Variants in USP18 observed in about 807,000 individuals in gnomAD.
The protein encoded by USP18 is ubl carboxyl-terminal hydrolase 18.
Under a neutral mutation model 48.7 loss-of-function variants are expected in USP18, and 11 were observed. The observed-to-expected ratio is 0.23, with a 90% confidence interval of 0.14 to 0.37. The LOEUF (loss-of-function observed/expected upper bound fraction) is 0.37. USP18 is among the 10% of genes least tolerant of loss of function. The probability of loss-of-function intolerance (pLI) is 1.00; values close to 1 mark genes in which losing one functional copy is unlikely to be tolerated. For missense variants in USP18, 285 were observed against 436.4 expected, an observed-to-expected ratio of 0.65 and a Z score of 3.09; for synonymous variants, 114 against 163.2, an observed-to-expected ratio of 0.70 and a Z score of 2.30.
intron 8 of USP18, among the ~76,000 whole-genome samples, chr22:18,171,589 T>A (rs1183484268): frequency 2.0e-5 from 3 of 151,842 alleles, no homozygotes; most frequent in African/African-American, 7.3e-5. Context: ...CTATGATCTA[T>A]CATTGTACTC....
At chr22:18,174,657 T>C (rs906021161) in intron 10 of USP18, among the ~76,000 whole-genome samples, 14 of 151,958 alleles carry the variant, frequency 9.2e-5, no homozygotes, top group Non-Finnish European at 1.9e-4. Context: ...GGTGTGATCA[T>C]AGCTCACTGC....
chr22:18,156,864 C>T (rs2543949), intron 1 of USP18, among the ~76,000 whole-genome samples: 38,487 of 152,182 alleles, frequency 0.25, 6,068 homozygotes, highest in East Asian at 0.63. Context: ...CCCACCAATT[C>T]CGGACACACT....
intron 9 of USP18, 60 bp from the exon 10 acceptor site, chr22:18,173,733 T>C: frequency 5.6e-6 from 9 of 1,604,824 alleles, no homozygotes; most frequent in Non-Finnish European, 7.7e-6. Context: ...TATAGCATCC[T>C]GTCCTCTGTG....
At chr22:18,167,769 T>C in intron 5 of USP18, 121 bp from the exon 6 acceptor site, 1 of 1,038,412 alleles carries the variant, frequency 9.6e-7, no homozygotes, top group Non-Finnish European at 1.4e-6. Flanking sequence ...ATAATATTGT[T>C]ACTGGTATTA....
At chr22:18,168,123 T>G in intron 6 of USP18, 87 bp downstream of exon 6, 1 of 1,563,370 alleles carries the variant, frequency 6.4e-7, no homozygotes, top group Non-Finnish European at 8.7e-7. Context: ...ACTAGGTAAT[T>G]TATTTCTTAC....
intron 7 of USP18, among the ~76,000 whole-genome samples, chr22:18,170,463 C>T (rs1398150082): frequency 6.6e-6 from 1 of 152,240 alleles, no homozygotes; most frequent in Non-Finnish European, 1.5e-5. Flanking sequence ...AGGGCGTTTC[C>T]CTCCAGGCGA....
Position 18,160,163 on chromosome 22 carries a change from C to T in USP18, c.158-9C>T, listed in dbSNP as rs2123731530. ...TTGCCCTCAGCATTTTTTTCTCTTCCCCTTATAGGCCTGGTTGGTTTACAC... is the reference window on the plus strand; with the variant it reads ...TTGCCCTCAGCATTTTTTTCTCTTCTCCTTATAGGCCTGGTTGGTTTACAC... On this transcript the variant is annotated splice_polypyrimidine_tract_variant and intron_variant, in intron 2 of 10. Coordinates refer to ENST00000215794, the MANE Select transcript of USP18 (RefSeq NM_017414.4). 12 of 1,613,752 alleles carry T rather than the reference C, an allele frequency of 7.4e-6. No homozygotes were observed. The highest frequency in any genetic ancestry group is 9.3e-6 in the Non-Finnish European group (11 of 1,179,744).
At chr22:18,150,961 A>G (rs1413147733) in intron 1 of USP18, among the ~76,000 whole-genome samples, 2 of 152,250 alleles carry the variant, frequency 1.3e-5, no homozygotes, top group African/African-American at 4.8e-5. Context: ...ACAAACAAAC[A>G]AAAAAACCTG....
chr22:18,159,431 G>A lies in USP18; in HGVS notation c.158-741G>A, dbSNP rs534730957. Among the ~76,000 whole-genome samples, 5 of 151,814 alleles carry A rather than the reference G, an allele frequency of 3.3e-5. No individual in the cohort carries two copies. In the South Asian group the frequency reaches 6.2e-4, roughly 19 times the overall value. On this transcript the variant is annotated intron_variant, in intron 2 of 10. Coordinates refer to ENST00000215794, the MANE Select transcript of USP18 (RefSeq NM_017414.4). ...TGTTTGCAAGCTGAATGAACACTTCGTACTTGAGAGACTTTACAGGACTTC... is the reference window on the plus strand; with the variant it reads ...TGTTTGCAAGCTGAATGAACACTTCATACTTGAGAGACTTTACAGGACTTC...
intron 2 of USP18, among the ~76,000 whole-genome samples, chr22:18,159,751 C>G (rs1472561316): frequency 9.5e-5 from 14 of 147,030 alleles, no homozygotes; most frequent in Non-Finnish European, 2.1e-4. Flanking sequence ...TCTTGGCTCA[C>G]TGCAAGCTCC....
intron 2 of USP18, 116 bp from the exon 3 acceptor site, chr22:18,160,056 C>T (rs1335952824): frequency 4.7e-5 from 45 of 948,252 alleles, no homozygotes; most frequent in East Asian, 2.2e-4. Flanking sequence ...TCAGGTGATC[C>T]GCCCACCTCG....
intron 1 of USP18, among the ~76,000 whole-genome samples, chr22:18,151,650 C>T (rs1037249477): frequency 2.6e-5 from 4 of 151,716 alleles, no homozygotes; most frequent in African/African-American, 9.7e-5. Flanking sequence ...AGTTTTTCCA[C>T]GAGCTGTTTT....
chr22:18,152,844 A>G (rs1207321870), intron 1 of USP18, among the ~76,000 whole-genome samples: 2 of 152,170 alleles, frequency 1.3e-5, no homozygotes, highest in Non-Finnish European at 2.9e-5. Context: ...GATCTGCTCC[A>G]TGAGGTTTTA....
chr22:18,173,718 C>T, intron 9 of USP18, 75 bp from the exon 10 acceptor site: 2 of 1,594,872 alleles, frequency 1.3e-6, no homozygotes, highest in South Asian at 1.1e-5. Context: ...GGATGAGGGG[C>T]ACATTATAGC....
At chr22:18,167,479 C>T (rs529620446) in intron 5 of USP18, 145 bp downstream of exon 5, 36 of 1,007,816 alleles carry the variant, frequency 3.6e-5, no homozygotes, top group African/African-American at 2.3e-4. Context: ...AGGCGGATCA[C>T]GAGGTCAGGA....
At chr22:18,167,019 A>T (rs2123737060) in intron 4 of USP18, among the ~76,000 whole-genome samples, 1 of 152,262 alleles carries the variant, frequency 6.6e-6, no homozygotes, top group African/African-American at 2.4e-5. Context: ...GATTATAGGC[A>T]TGAGCCACTA....
Position 18,157,796 on chromosome 22 carries a change from C to T in USP18, c.133C>T (p.Pro45Ser), listed in dbSNP as rs752599625. ...GAAGAGAGAGCAGCCCAGAGAGCGT[C>T]CCAGGGCCTGGGACTACCCTCATGG... The part of the protein sequence containing the change: ...NMKREQPRER[P>S]RAWDYPHGLV... The change falls in exon 2 of 11, where the codon CCC becomes TCC. Residue 45 changes from proline (P) to serine (S), a missense_variant. Around this residue, in one of 5 missense-constraint regions of USP18, gnomAD observed 199 missense variants for 239.6 expected, o/e 0.83. Transcript: ENST00000215794. The T allele has an allele frequency of 2.5e-6, 4 of 1,614,090 alleles. No individual in the cohort carries two copies. The highest frequency in any genetic ancestry group is 4.5e-5 in the East Asian group (2 of 44,860).
chr22:18,172,191 G>T (rs1408263300), intron 8 of USP18, among the ~76,000 whole-genome samples: 1 of 152,210 alleles, frequency 6.6e-6, no homozygotes, highest in Non-Finnish European at 1.5e-5. Context: ...ATCCTTGGCT[G>T]TAACAGTTAC....
intron 1 of USP18, among the ~76,000 whole-genome samples, chr22:18,154,732 T>C (rs1929085204): frequency 6.6e-6 from 1 of 152,206 alleles, no homozygotes; most frequent in Non-Finnish European, 1.5e-5. Flanking sequence ...TGAGCCACCA[T>C]GCCAGGCCTC....
Sources: allele counts gnomAD v4.1 joint callset (sites outside exome capture counted in the v4.1 genomes callset), GRCh38; gene constraint gnomAD v4.1.1; regional missense constraint gnomAD v4.1.1; transcripts MANE v1.5; gene names NCBI Gene and HGNC (gene_info 2026-07-23, HGNC 2026-07-21).